The following BTBD9 variants were observed in gnomAD, a reference collection of about 807,000 sequenced individuals.
The protein encoded by BTBD9 is BTB/POZ domain-containing protein 9.
A neutral mutation model predicts 64.3 loss-of-function variants in BTBD9; 49 were observed. The observed-to-expected ratio is 0.76, with a 90% confidence interval of 0.61 to 0.97. The LOEUF (loss-of-function observed/expected upper bound fraction) is 0.97, where lower values mean the gene tolerates loss of function less well. BTBD9 is among the 50% of genes least tolerant of loss of function. BTBD9 has a pLI of 0.00. For missense variants in BTBD9, 598 were observed against 762.1 expected, an observed-to-expected ratio of 0.78 and a Z score of 2.53; for synonymous variants, 260 against 274.7, an observed-to-expected ratio of 0.95 and a Z score of 0.53.
At chr6:38,541,371 G>T (rs1774261136) in intron 6 of BTBD9, among the ~76,000 whole-genome samples, 1 of 152,202 alleles carries the variant, frequency 6.6e-6, no homozygotes, top group African/African-American at 2.4e-5. Flanking sequence ...GGGAATACGG[G>T]AATAAGGAAG....
intron 8 of BTBD9, among the ~76,000 whole-genome samples, chr6:38,284,731 G>C (rs1761662296): frequency 6.6e-6 from 1 of 152,128 alleles, no homozygotes; most frequent in African/African-American, 2.4e-5. Context: ...CAAAATTTAT[G>C]GGATTACTGA....
intron 6 of BTBD9, among the ~76,000 whole-genome samples, chr6:38,499,351 C>T (rs893381334): frequency 2.6e-5 from 4 of 152,120 alleles, no homozygotes; most frequent in Non-Finnish European, 4.4e-5. Context: ...TTGCCCATGG[C>T]ACTTGAACAC....
chr6:38,307,633 T>C (rs890074371), intron 7 of BTBD9, among the ~76,000 whole-genome samples: 1 of 152,234 alleles, frequency 6.6e-6, no homozygotes, highest in African/African-American at 2.4e-5. Context: ...CTTTGCTATT[T>C]TGTCTGTTTA....
intron 6 of BTBD9, among the ~76,000 whole-genome samples, chr6:38,546,833 T>C (rs1341266704): frequency 6.6e-6 from 1 of 152,122 alleles, no homozygotes. Flanking sequence ...CATGCCCAGC[T>C]AATCTTGTAT....
intron 6 of BTBD9, among the ~76,000 whole-genome samples, chr6:38,351,661 C>T (rs1471340307): frequency 6.6e-6 from 1 of 151,858 alleles, no homozygotes; most frequent in Non-Finnish European, 1.5e-5. Context: ...GCTACCACGC[C>T]GGCTACTTTT....
chr6:38,376,737 A>G (rs1469690328), intron 6 of BTBD9, among the ~76,000 whole-genome samples: 2 of 152,190 alleles, frequency 1.3e-5, no homozygotes, highest in Non-Finnish European at 2.9e-5. Context: ...TTCTGATATC[A>G]TTCATTTTAG....
intron 4 of BTBD9, among the ~76,000 whole-genome samples, chr6:38,584,049 G>T (rs1394133721): frequency 6.6e-6 from 1 of 152,146 alleles, no homozygotes; most frequent in East Asian, 1.9e-4. Flanking sequence ...AGTGCTGGCT[G>T]GGTACAGTGG....
chr6:38,447,244 T>C (rs964038239), intron 6 of BTBD9, among the ~76,000 whole-genome samples: 6 of 152,216 alleles, frequency 3.9e-5, no homozygotes, highest in Non-Finnish European at 5.9e-5. Context: ...GAAACATGCA[T>C]GGCCCATCCA....
intron 10 of BTBD9, among the ~76,000 whole-genome samples, chr6:38,176,067 C>T (rs1056777851): frequency 4.6e-5 from 7 of 152,224 alleles, no homozygotes; most frequent in Admixed American, 3.3e-4. Context: ...CTCAGCGCCC[C>T]GCAAGCAAGG....
At chr6:38,532,347 T>C (rs570259770) in intron 6 of BTBD9, among the ~76,000 whole-genome samples, 1 of 152,214 alleles carries the variant, frequency 6.6e-6, no homozygotes, top group African/African-American at 2.4e-5. Context: ...CTAAATAAAC[T>C]TGAAAGGCAG....
intron 9 of BTBD9, among the ~76,000 whole-genome samples, chr6:38,218,949 G>A (rs895381118): frequency 3.9e-5 from 6 of 151,940 alleles, no homozygotes; most frequent in Non-Finnish European, 8.8e-5. Context: ...TACTTTTTTG[G>A]AGTACCCGCC....
At chr6:38,580,079 T>G in intron 5 of BTBD9, 139 bp downstream of exon 5, 3 of 734,772 alleles carry the variant, frequency 4.1e-6, no homozygotes, top group Non-Finnish European at 6.5e-6. Context: ...TTTAACTCCT[T>G]CCCCAAAACC....
rs77404969 is a variant in BTBD9 at position 38,171,256 on chromosome 6, G to A, written c.*3729C>T. 0.086 allele frequency: 13,050 copies of A among 152,202 alleles called. 762 individuals are homozygous for A. The highest frequency in any genetic ancestry group is 0.12 in the Non-Finnish European group (8,288 of 68,012). 9.4% of individuals were successfully genotyped at this position (152,202 alleles called of 1,614,324 possible). On this transcript the variant is annotated 3_prime_UTR_variant, in exon 11 of 11. Transcript: ENST00000481247. ...CATCTGCACAGCAGTTTGACAACTGGGGCGACAGCATAATACTGGGCAATT... is the reference window on the plus strand; with the variant it reads ...CATCTGCACAGCAGTTTGACAACTGAGGCGACAGCATAATACTGGGCAATT...
At chr6:38,583,624 G>A (rs545372420) in intron 4 of BTBD9, among the ~76,000 whole-genome samples, 2 of 152,316 alleles carry the variant, frequency 1.3e-5, no homozygotes, top group East Asian at 1.9e-4. Context: ...TATGAAGCTA[G>A]GGGTAACATA....
At chr6:38,435,843 A>G (rs780176244) in intron 6 of BTBD9, among the ~76,000 whole-genome samples, 40 of 150,754 alleles carry the variant, frequency 2.7e-4, no homozygotes, top group Non-Finnish European at 5.5e-4. Flanking sequence ...TAATTTTTGT[A>G]TTTTTAGTAG....
At chr6:38,190,103 C>A (rs1761993609) in intron 10 of BTBD9, among the ~76,000 whole-genome samples, 1 of 151,962 alleles carries the variant, frequency 6.6e-6, no homozygotes, top group Non-Finnish European at 1.5e-5. Context: ...TGAGCCAATG[C>A]ACCTGGCTTA....
At chr6:38,214,010 A>AAT (rs1561882118) in intron 9 of BTBD9, among the ~76,000 whole-genome samples, 21 of 147,616 alleles carry the variant, frequency 1.4e-4, no homozygotes, top group East Asian at 4.0e-4. Context: ...AAACAAACAA[A>AAT]AATAATAATA....
chr6:38,451,865 A>G (rs544910600), intron 6 of BTBD9, among the ~76,000 whole-genome samples: 2 of 152,184 alleles, frequency 1.3e-5, no homozygotes, highest in Admixed American at 1.3e-4. Context: ...GTACCTGAAA[A>G]ATACTGTCTG....
At chr6:38,403,120 A>AAGG (rs371046044) in intron 6 of BTBD9, among the ~76,000 whole-genome samples, 6 of 148,490 alleles carry the variant, frequency 4.0e-5, no homozygotes, top group Non-Finnish European at 5.9e-5. Context: ...AAGGAAAGAA[A>AAGG]AAAGAAAAGA....
Sources: allele counts gnomAD v4.1 joint callset (sites outside exome capture counted in the v4.1 genomes callset), GRCh38; gene constraint gnomAD v4.1.1; transcripts MANE v1.5; gene names NCBI Gene and HGNC (gene_info 2026-07-23, HGNC 2026-07-21).